The following MRM1 variants were observed in gnomAD, a reference collection of about 807,000 sequenced individuals.
The protein encoded by MRM1 is mitochondrial rRNA methyltransferase 1, also known as rRNA methyltransferase 1, mitochondrial.
Under a neutral mutation model 25.0 loss-of-function variants are expected in MRM1, and 24 were observed. The observed-to-expected ratio is 0.96, with a 90% confidence interval of 0.69 to 1.35. MRM1 has a LOEUF of 1.35. MRM1 is among the 40% of genes most tolerant of loss of function. The pLI, the probability that MRM1 is intolerant of heterozygous loss-of-function variation, is 0.00. For synonymous variants in MRM1, 188 were observed against 199.2 expected, an observed-to-expected ratio of 0.94 and a Z score of 0.47; for missense variants, 431 against 464.1, an observed-to-expected ratio of 0.93 and a Z score of 0.65.
the MRM1 span, among the ~76,000 whole-genome samples, chr17:36,631,127 C>T: frequency 3.9e-5 from 6 of 152,272 alleles, no homozygotes; most frequent in South Asian, 2.1e-4. Context: ...CAAACGTGAA[C>T]GGAGGTGGAG....
At chr17:36,603,068 C>A in intron 2 of MRM1, 1 of 985,348 alleles carries the variant, frequency 1.0e-6, no homozygotes, top group Non-Finnish European at 1.2e-6. Flanking sequence ...AGAGACAAAC[C>A]TTGGAAACCC....
chr17:36,619,276 TTATC>T, the MRM1 span, among the ~76,000 whole-genome samples: 2 of 152,252 alleles, frequency 1.3e-5, no homozygotes, highest in African/African-American at 2.4e-5. Flanking sequence ...CACATTTTGT[TTATC>T]CATCCATCCA....
chr17:36,632,670 C>A, the MRM1 span, among the ~76,000 whole-genome samples: 39 of 152,150 alleles, frequency 2.6e-4, no homozygotes, highest in African/African-American at 9.4e-4. Flanking sequence ...GTGAAAGGAT[C>A]ATGGAGAGGA....
At chr17:36,609,684 A>T (rs1342706693), downstream of MRM1, among the ~76,000 whole-genome samples, 1 of 152,160 alleles carries the variant, frequency 6.6e-6, no homozygotes, top group Admixed American at 6.5e-5. Context: ...CCTGACTGCT[A>T]TGTGACCTTG....
At chr17:36,610,564 C>T (rs2074970827), downstream of MRM1, among the ~76,000 whole-genome samples, 1 of 152,012 alleles carries the variant, frequency 6.6e-6, no homozygotes, top group Non-Finnish European at 1.5e-5. Context: ...TTACTCCTCT[C>T]AAGAAAGAGG....
chr17:36,613,256 G>A (rs1199126176), downstream of MRM1, among the ~76,000 whole-genome samples: 2 of 151,868 alleles, frequency 1.3e-5, no homozygotes, highest in Non-Finnish European at 2.9e-5. Context: ...CCGCTTTGCC[G>A]ACACACATAC....
Position 36,608,340 on chromosome 17 carries a change from G to T in MRM1, c.987G>T (p.Arg329Ser). The change falls in exon 5 of 5, where the codon AGG (arginine) becomes AGT (serine). Residue 329 changes from arginine to serine, a missense_variant. By Grantham distance (110) the Arg-to-Ser change is moderately radical (BLOSUM62 -1). Coordinates refer to ENST00000614766, the MANE Select transcript of MRM1 (RefSeq NM_024864.5). The stretch of plus-strand genomic sequence containing the variant: ...AAGACCCCCAAGAACCCTCAGCCAG[G>T]TCTGAAGGGCTCAGCATGGCTCAGC... ...LLQDPQEPSA[R>S]SEGLSMAQHP... The T allele has an allele frequency of 6.2e-7, 1 of 1,611,528 alleles. No homozygotes were observed. The highest frequency in any genetic ancestry group is 8.5e-7 in the Non-Finnish European group (1 of 1,178,902).
chr17:36,601,974 T>C lies in MRM1; in HGVS notation c.164T>C (p.Met55Thr). 6.2e-7 allele frequency: 1 copy of C among 1,612,704 alleles called. No homozygotes were observed. Among genetic ancestry groups the C allele is most frequent in the South Asian group, 1.1e-5 (1 of 91,024 alleles). ...PTSRLELLFGMTPCLLALQAA... is the reference protein window; with the variant it reads ...PTSRLELLFGTTPCLLALQAA... Reference sequence around the variant, plus strand: ...TCTCGGCTGGAGCTTCTGTTTGGCATGACCCCGTGTCTCCTGGCTCTGCAG... The same window carrying C: ...TCTCGGCTGGAGCTTCTGTTTGGCACGACCCCGTGTCTCCTGGCTCTGCAG... The change falls in exon 1 of 5, where the codon ATG becomes ACG. Residue 55 changes from methionine to threonine, a missense_variant. Coordinates refer to ENST00000614766, the MANE Select transcript of MRM1 (RefSeq NM_024864.5).
the MRM1 span, among the ~76,000 whole-genome samples, chr17:36,632,332 C>T: frequency 6.6e-6 from 1 of 152,060 alleles, no homozygotes; most frequent in Non-Finnish European, 1.5e-5. Flanking sequence ...CAGCTCCCGG[C>T]CATATACCCA....
the MRM1 span, among the ~76,000 whole-genome samples, chr17:36,626,949 G>A: frequency 2.0e-5 from 3 of 152,194 alleles, no homozygotes; most frequent in Admixed American, 2.0e-4. Flanking sequence ...GGTGCCCCAG[G>A]CCTCAGACCC....
chr17:36,625,757 C>A, the MRM1 span, among the ~76,000 whole-genome samples: 1 of 152,018 alleles, frequency 6.6e-6, no homozygotes, highest in Non-Finnish European at 1.5e-5. Context: ...CCACTGCACC[C>A]GGCCCCTTTT....
the MRM1 span, among the ~76,000 whole-genome samples, chr17:36,616,780 G>T: frequency 3.3e-5 from 5 of 152,162 alleles, no homozygotes; most frequent in Admixed American, 2.6e-4. Context: ...GCCCAGGCTG[G>T]AGTGCAGTGA....
intron 2 of MRM1, among the ~76,000 whole-genome samples, chr17:36,604,156 C>T (rs1022319315): frequency 6.6e-6 from 1 of 152,216 alleles, no homozygotes; most frequent in Admixed American, 6.5e-5. Context: ...CCTGCAGCAT[C>T]CACTTTTCTC....
chr17:36,634,587 G>GCATTC, the MRM1 span: 3 of 152,210 alleles, frequency 2.0e-5, no homozygotes, highest in Non-Finnish European at 4.4e-5. Context: ...TGGCCACATG[G>GCATTC]CATTCCATCA....
chr17:36,622,779 G>A, the MRM1 span, among the ~76,000 whole-genome samples: 1,063 of 152,266 alleles, frequency 7.0e-3, 8 homozygotes, highest in Admixed American at 0.011. Flanking sequence ...TATGGCATGA[G>A]GGCATTCATG....
At chr17:36,621,423 TCCTG>T in the MRM1 span, among the ~76,000 whole-genome samples, 7 of 152,174 alleles carry the variant, frequency 4.6e-5, no homozygotes, top group African/African-American at 1.7e-4. Flanking sequence ...GACACTGACA[TCCTG>T]CCTGTCTGTC....
intron 2 of MRM1, among the ~76,000 whole-genome samples, chr17:36,606,630 G>A (rs895531776): frequency 4.1e-5 from 6 of 147,108 alleles, no homozygotes; most frequent in African/African-American, 1.5e-4. Context: ...TTGAGACAGA[G>A]TGGAGTCTCG....
the MRM1 span, among the ~76,000 whole-genome samples, chr17:36,627,915 A>C: frequency 6.6e-6 from 1 of 151,994 alleles, no homozygotes; most frequent in Non-Finnish European, 1.5e-5. Flanking sequence ...ACCTCAAGTG[A>C]TCTGCCCACC....
At chr17:36,609,870 A>G (rs1053203280), downstream of MRM1, among the ~76,000 whole-genome samples, 22 of 152,354 alleles carry the variant, frequency 1.4e-4, 1 homozygote, top group East Asian at 3.7e-3. Flanking sequence ...ATTTGTCTCA[A>G]TTCTAATAAT....
Sources: gnomAD v4.1 joint callset for allele counts (sites outside exome capture counted in the v4.1 genomes callset) on GRCh38, gnomAD v4.1.1 for gene constraint, MANE v1.5 for transcripts, NCBI Gene and HGNC (gene_info 2026-07-23, HGNC 2026-07-21) for gene names.